ADAMTSL1: variants seen among roughly 807,000 people sequenced by gnomAD.
The protein encoded by ADAMTSL1 is ADAMTS like 1.
In ADAMTSL1, 126 loss-of-function variants were observed where a neutral mutation model predicts 201.8. The ratio of observed to expected loss-of-function variants is 0.62; its 90% CI spans 0.54 to 0.72. The LOEUF (loss-of-function observed/expected upper bound fraction) is 0.72. Among genes scored for constraint, ADAMTSL1 ranks in the 30% least tolerant of loss-of-function variants. The pLI is 0.00. For synonymous variants in ADAMTSL1, 1,121 were observed against 903.4 expected, an observed-to-expected ratio of 1.24 and a Z score of -4.32; for missense variants, 2,679 against 2,277.8, an observed-to-expected ratio of 1.18 and a Z score of -3.59.
intron 7 of ADAMTSL1, among the ~76,000 whole-genome samples, chr9:18,641,845 T>C (rs1172544294): frequency 6.6e-6 from 1 of 152,006 alleles, no homozygotes; most frequent in Admixed American, 6.6e-5. Flanking sequence ...ATATATCATA[T>C]GAATTAAGCT....
intron 19 of ADAMTSL1, among the ~76,000 whole-genome samples, chr9:18,787,185 C>G (rs1019593422): frequency 6.6e-6 from 1 of 152,114 alleles, no homozygotes; most frequent in Non-Finnish European, 1.5e-5. Context: ...CCTTATAGAG[C>G]TAAAGGAAAT....
chr9:18,704,599 G>C (rs1832123494), intron 13 of ADAMTSL1, among the ~76,000 whole-genome samples: 1 of 152,218 alleles, frequency 6.6e-6, no homozygotes, highest in African/African-American at 2.4e-5. Flanking sequence ...AAAATTAAAT[G>C]CTTGTGTATC....
At chr9:18,035,692 C>T (rs1821165328) in intron 1 of ADAMTSL1, among the ~76,000 whole-genome samples, 1 of 152,116 alleles carries the variant, frequency 6.6e-6, no homozygotes, top group Non-Finnish European at 1.5e-5. Flanking sequence ...TGACATTCTT[C>T]ATGGTTTACT....
intron 5 of ADAMTSL1, among the ~76,000 whole-genome samples, chr9:18,634,778 C>T (rs1471338466): frequency 1.5e-5 from 2 of 137,684 alleles, no homozygotes; most frequent in Non-Finnish European, 3.2e-5. Context: ...ACAGAGGTTG[C>T]AGTTGAGCCA....
intron 26 of ADAMTSL1, among the ~76,000 whole-genome samples, chr9:18,903,324 A>G (rs1230899386): frequency 6.6e-6 from 1 of 152,244 alleles, no homozygotes. Flanking sequence ...AGTTATATAC[A>G]CAATACATAG....
intron 25 of ADAMTSL1, chr9:18,890,441 C>T (rs1387488099): frequency 4.2e-5 from 19 of 451,336 alleles, no homozygotes; most frequent in Non-Finnish European, 8.0e-5. Flanking sequence ...GGAGTTGGCA[C>T]TGGTGCAGTG....
At chr9:18,217,210 T>C (rs1243514567) in intron 2 of ADAMTSL1, among the ~76,000 whole-genome samples, 1 of 152,210 alleles carries the variant, frequency 6.6e-6, no homozygotes, top group Non-Finnish European at 1.5e-5. Context: ...TCCACAGAAA[T>C]GACAGCTAAT....
intron 1 of ADAMTSL1, among the ~76,000 whole-genome samples, chr9:17,983,290 C>G (rs1175525054): frequency 6.6e-6 from 1 of 151,754 alleles, no homozygotes; most frequent in Non-Finnish European, 1.5e-5. Context: ...AGGATGGTCT[C>G]GATCTGTTGA....
intron 2 of ADAMTSL1, among the ~76,000 whole-genome samples, chr9:18,166,542 T>C (rs1295477613): frequency 2.0e-5 from 3 of 151,956 alleles, no homozygotes; most frequent in Non-Finnish European, 4.4e-5. Flanking sequence ...AGCCAGTATA[T>C]AGGTTTATCA....
In ADAMTSL1 at chr9:18,117,225, A is replaced by G. The variant is rs570718341; in HGVS notation, c.88-46637A>G. The stretch of plus-strand genomic sequence containing the variant: ...GTCAAAGCAGTTCAGTAAAAATACA[A>G]TTTGGCTAATGTCCTTCTTCTGCTA... On this transcript the variant is annotated intron_variant, in intron 1 of 29. Coordinates refer to the ADAMTSL1 transcript ENST00000680146. 5.9e-5 allele frequency among the ~76,000 whole-genome samples: 9 copies of G among 152,252 alleles called. No individual in the cohort carries two copies. In the East Asian group the frequency reaches 9.7e-4, roughly 16 times the overall value.
intron 2 of ADAMTSL1, among the ~76,000 whole-genome samples, chr9:18,401,770 T>G (rs1343224521): frequency 6.6e-6 from 1 of 152,258 alleles, no homozygotes; most frequent in South Asian, 2.1e-4. Flanking sequence ...AATGCACCAC[T>G]TTGGGAATAT....
chr9:18,547,633 T>TAAAAAAA (rs56789652), intron 3 of ADAMTSL1, among the ~76,000 whole-genome samples: 6 of 86,236 alleles, frequency 7.0e-5, no homozygotes, highest in Admixed American at 1.3e-4. Flanking sequence ...TATATATATA[T>TAAAAAAA]AAAAAAAAAA....
chr9:18,480,698 T>A (rs1347564812), intron 1 of ADAMTSL1, among the ~76,000 whole-genome samples: 1 of 152,166 alleles, frequency 6.6e-6, no homozygotes, highest in East Asian at 1.9e-4. Context: ...CGTTTTCCAT[T>A]TATTATATGG....
At chr9:18,513,596 T>C (rs1445126987) in intron 2 of ADAMTSL1, among the ~76,000 whole-genome samples, 1 of 152,234 alleles carries the variant, frequency 6.6e-6, no homozygotes, top group Non-Finnish European at 1.5e-5. Context: ...TTTGCCCCTG[T>C]ATTTTCCAGT....
rs147585821 is a variant in ADAMTSL1, at chr9:18,288,751, A to G, written c.207+124770A>G. Among the ~76,000 whole-genome samples, 165 of 152,370 alleles carry G rather than the reference A, an allele frequency of 1.1e-3. 5 individuals are homozygous for G. The East Asian group carries it at 0.029, about 26-fold the overall frequency. On this transcript the variant is annotated intron_variant, in intron 2 of 29. Coordinates refer to the ADAMTSL1 transcript ENST00000680146. ...GAAAGGATTCACAAAAATGAGAAAT[A>G]CCCTCAGGTCTCTTCAGCCTGATGG...
upstream of ADAMTSL1, among the ~76,000 whole-genome samples, chr9:18,471,748 C>T (rs1417037): frequency 0.57 from 86,517 of 152,010 alleles, 24,965 homozygotes; most frequent in African/African-American, 0.66. Context: ...AGGCATTCAA[C>T]AGGTGATTGA....
chr9:18,221,484 A>G (rs890580575), intron 2 of ADAMTSL1, among the ~76,000 whole-genome samples: 1 of 151,712 alleles, frequency 6.6e-6, no homozygotes, highest in Non-Finnish European at 1.5e-5. Context: ...CCTTCTTTTT[A>G]TCTCTCTATA....
chr9:18,908,166 T>A (rs1830419371), intron 28 of ADAMTSL1: 1 of 464,992 alleles, frequency 2.2e-6, no homozygotes, highest in South Asian at 2.1e-5. Context: ...CTTCAGGAAG[T>A]AGAGGGAGCT....
At chr9:18,315,747 C>T (rs755332026) in intron 2 of ADAMTSL1, among the ~76,000 whole-genome samples, 57 of 152,324 alleles carry the variant, frequency 3.7e-4, no homozygotes, top group East Asian at 7.7e-4. Context: ...GAGCTAGCTC[C>T]GGCCTCAGCC....
Sources: gnomAD v4.1 joint callset for allele counts (sites outside exome capture counted in the v4.1 genomes callset) on GRCh38, gnomAD v4.1.1 for gene constraint, MANE v1.5 for transcripts, NCBI Gene and HGNC (gene_info 2026-07-23, HGNC 2026-07-21) for gene names.